ABLIM1: variants seen among roughly 807,000 people sequenced by gnomAD.
The protein encoded by ABLIM1 is actin-binding LIM protein 1.
In ABLIM1, 40 loss-of-function variants were observed where a neutral mutation model predicts 107.0. That is an observed-to-expected ratio of 0.37 (90% CI 0.29 to 0.49). ABLIM1 has a LOEUF of 0.49. Ranked by LOEUF, ABLIM1 falls within the 20% of genes least tolerant of loss-of-function variation. The pLI, the probability that ABLIM1 is intolerant of heterozygous loss-of-function variation, is 0.97. For missense variants in ABLIM1, 857 were observed against 1,008.5 expected (o/e 0.85, Z 2.04); for synonymous variants, 357 against 357.3 (o/e 1.00, Z 0.01).
chr10:114,652,946 T>C (rs2079320827), intron 1 of ABLIM1, among the ~76,000 whole-genome samples: 1 of 152,210 alleles, frequency 6.6e-6, no homozygotes, highest in African/African-American at 2.4e-5. Flanking sequence ...TATGGGAGTC[T>C]TCAAATTTGA....
At chr10:114,467,067 G>C (rs1317330492) in intron 11 of ABLIM1, among the ~76,000 whole-genome samples, 1 of 152,120 alleles carries the variant, frequency 6.6e-6, no homozygotes, top group African/African-American at 2.4e-5. Flanking sequence ...GCTGAGACAG[G>C]AGAATCACTA....
intron 6 of ABLIM1, among the ~76,000 whole-genome samples, chr10:114,534,198 G>A (rs1416187060): frequency 6.6e-6 from 1 of 152,126 alleles, no homozygotes; most frequent in African/African-American, 2.4e-5. Context: ...ATGGGAGCTG[G>A]GAGGGAACAG....
At chr10:114,680,988 G>A (rs899681226) in intron 1 of ABLIM1, among the ~76,000 whole-genome samples, 1 of 152,134 alleles carries the variant, frequency 6.6e-6, no homozygotes, top group Non-Finnish European at 1.5e-5. Context: ...CCCTGATGAA[G>A]CTACCAATTA....
rs568342463 is a variant in ABLIM1 at position 114,682,247 on chromosome 10, G to A, written c.64+2043C>T. ...TCTAAGTATATCCTTTAGAGCAGAA[G>A]GTTGTAAGTCACTGTATCAAAGTCT... On this transcript the variant is annotated intron_variant, in intron 1 of 23. Coordinates refer to the ABLIM1 transcript ENST00000369256. 3.3e-5 allele frequency among the ~76,000 whole-genome samples: 5 copies of A among 152,266 alleles called. No homozygotes were observed. In the East Asian group the frequency reaches 9.7e-4, roughly 29 times the overall value.
intron 4 of ABLIM1, among the ~76,000 whole-genome samples, chr10:114,551,117 C>T (rs1183210559): frequency 1.3e-5 from 2 of 152,220 alleles, no homozygotes; most frequent in African/African-American, 4.8e-5. Context: ...CTCATTTCTT[C>T]ATCTGTAAAA....
intron 6 of ABLIM1, among the ~76,000 whole-genome samples, chr10:114,499,271 G>C (rs532747536): frequency 6.6e-6 from 1 of 152,352 alleles, no homozygotes; most frequent in Admixed American, 6.5e-5. Flanking sequence ...AAATACCAAA[G>C]ACGTAGCACT....
rs536435789 is a variant in ABLIM1, at chr10:114,536,227, GTTTTTTTTTTTTTTTTTTTTTTTTT to G, written c.894+8753_894+8777del. Among the ~76,000 whole-genome samples the G allele has an allele frequency of 2.1e-4, 12 of 56,260 alleles. No homozygotes were observed. The South Asian group carries it at 5.8e-3, about 27-fold the overall frequency. 36.9% of individuals were successfully genotyped at this position (56,260 alleles called of 152,430 possible). On this transcript the variant is annotated intron_variant, in intron 6 of 22. Coordinates refer to ENST00000533213, the MANE Select transcript of ABLIM1 (RefSeq NM_002313.7). ...TGACTGTCTTTTTCCTTCTTTCTTT[GTTTTTTTTTTTTTTTTTTTTTTTTT>G]TTTTTTTTTTTTGAGATGGAGTCTC...
intron 1 of ABLIM1, among the ~76,000 whole-genome samples, chr10:114,639,589 C>T (rs562935122): frequency 1.3e-5 from 2 of 152,332 alleles, no homozygotes; most frequent in South Asian, 4.1e-4. Flanking sequence ...TGGTATGAGA[C>T]GTTCCACTTG....
intron 1 of ABLIM1, among the ~76,000 whole-genome samples, chr10:114,654,408 C>T (rs890401833): frequency 7.9e-5 from 12 of 152,102 alleles, no homozygotes; most frequent in East Asian, 1.9e-4. Flanking sequence ...TTAGTGGATG[C>T]TTTTGTGTGC....
chr10:114,690,393 A>G lies in ABLIM1; in HGVS notation c.-213+77668T>C, dbSNP rs1462750339. On this transcript the variant is annotated intron_variant, in intron 1 of 15. Transcript: ENST00000651092. ...CTTTAGGATGAAGTTCTCATCATCA[A>G]ATTTCTCCCCATAGATGGACTTGCC... 3.1e-6 allele frequency: 5 copies of G among 1,605,828 alleles called. No individual in the cohort carries two copies. The South Asian group carries it at 3.3e-5, about 11-fold the overall frequency.
intron 1 of ABLIM1, among the ~76,000 whole-genome samples, chr10:114,627,780 T>C (rs1250841562): frequency 6.6e-6 from 1 of 152,218 alleles, no homozygotes; most frequent in African/African-American, 2.4e-5. Flanking sequence ...AAAAGCTAAA[T>C]GGCATCAAGG....
intron 6 of ABLIM1, among the ~76,000 whole-genome samples, chr10:114,519,146 G>T (rs1168391794): frequency 6.6e-6 from 1 of 152,132 alleles, no homozygotes; most frequent in African/African-American, 2.4e-5. Flanking sequence ...GGTGCAGAGG[G>T]GATAGAGAAG....
At chr10:114,725,588 G>A (rs2081940823) in intron 1 of ABLIM1, among the ~76,000 whole-genome samples, 1 of 152,082 alleles carries the variant, frequency 6.6e-6, no homozygotes, top group Non-Finnish European at 1.5e-5. Flanking sequence ...TGTTTTTGAG[G>A]AGATGCACTG....
intron 1 of ABLIM1, among the ~76,000 whole-genome samples, chr10:114,695,286 GCT>G (rs2081171636): frequency 6.6e-6 from 1 of 152,080 alleles, no homozygotes; most frequent in African/African-American, 2.4e-5. Context: ...ATCATCAAGT[GCT>G]AACATTTATA....
chr10:114,493,045 T>C (rs142931587), intron 6 of ABLIM1, among the ~76,000 whole-genome samples: 207 of 152,354 alleles, frequency 1.4e-3, no homozygotes, highest in African/African-American at 4.7e-3. Flanking sequence ...CTCGTCCACA[T>C]GCTACTTTTT....
chr10:114,766,675 C>A (rs2082901986), intron 1 of ABLIM1, among the ~76,000 whole-genome samples: 1 of 152,148 alleles, frequency 6.6e-6, no homozygotes. Context: ...CAGAAGTGGA[C>A]TCTGACCTCA....
chr10:114,479,559 G>A (rs75969473), intron 8 of ABLIM1, among the ~76,000 whole-genome samples: 4,318 of 152,182 alleles, frequency 0.028, 174 homozygotes, highest in African/African-American at 0.095. Context: ...TTCCCATGCC[G>A]ATGACGATGA....
intron 14 of ABLIM1, chr10:114,450,120 A>T: frequency 2.5e-6 from 1 of 402,934 alleles, no homozygotes; most frequent in Non-Finnish European, 5.0e-6. Context: ...CAACAAAAGG[A>T]TGACTTCAAA....
intron 6 of ABLIM1, among the ~76,000 whole-genome samples, chr10:114,506,567 C>T (rs1314446585): frequency 5.9e-5 from 9 of 152,070 alleles, no homozygotes; most frequent in African/African-American, 1.7e-4. Context: ...TAGTGTGAGA[C>T]GGTATCTCAG....
Sources: gnomAD v4.1 joint callset for allele counts (sites outside exome capture counted in the v4.1 genomes callset) on GRCh38, gnomAD v4.1.1 for gene constraint, MANE v1.5 for transcripts, NCBI Gene and HGNC (gene_info 2026-07-23, HGNC 2026-07-21) for gene names.